The following PARD3B variants were observed in gnomAD, a reference collection of about 807,000 sequenced individuals.
PARD3B encodes the protein par-3 family cell polarity regulator beta.
A neutral mutation model predicts 130.2 loss-of-function variants in PARD3B; 103 were observed. The ratio of observed to expected loss-of-function variants is 0.79; its 90% CI spans 0.67 to 0.93. The LOEUF (loss-of-function observed/expected upper bound fraction) is 0.93. Among genes scored for constraint, PARD3B ranks in the 40% least tolerant of loss-of-function variants. The probability of loss-of-function intolerance (pLI) is 0.00; values close to 1 mark genes in which losing one functional copy is unlikely to be tolerated. For synonymous variants in PARD3B, 583 were observed against 553.2 expected (o/e 1.05, Z -0.76); for missense variants, 1,609 against 1,499.2 (o/e 1.07, Z -1.21).
chr2:204,883,456 T>TATAAAATATATATATATATATATATATA, intron 2 of PARD3B, among the ~76,000 whole-genome samples: 1 of 99,510 alleles, frequency 1.0e-5, no homozygotes, highest in East Asian at 3.4e-4. Context: ...TATATATATA[T>TATAAAATATATATATATATATATATATA]TTTTTTTTTT....
Position 205,300,438 on chromosome 2 carries a change from G to C in PARD3B, c.2186-92G>C. The C allele has an allele frequency of 3.3e-6, 4 of 1,216,844 alleles. No individual in the cohort carries two copies. In the South Asian group the frequency reaches 4.1e-5, roughly 13 times the overall value. The allele number at this position is 1,216,844 out of a possible 1,614,324, so 75.4% of individuals were successfully genotyped here. ...CCCACCCACTTAACACCCCTTTTTT[G>C]GGATGTCCAGACAGAAATATTCTTA... is the stretch of plus-strand genomic sequence containing the variant. On this transcript the variant is annotated intron_variant, in intron 16 of 22. Transcript: ENST00000406610. The surrounding 1 kb of genome is among the most constrained non-coding windows in gnomAD (Gnocchi z 4.1).
Position 204,906,223 on chromosome 2 carries a change from T to C in PARD3B, c.223-58929T>C, listed in dbSNP as rs1055988838. ...GTCATGGTAACTATTTGTCAAAAAG[T>C]AAAATGAACCCAGCTCTCTCTGTAT... is the stretch of plus-strand genomic sequence containing the variant. On this transcript the variant is annotated intron_variant, in intron 2 of 22. Coordinates refer to ENST00000406610, the MANE Select transcript of PARD3B (RefSeq NM_001302769.2). The surrounding 1 kb of genome is among the most constrained non-coding windows in gnomAD (Gnocchi z 4.3). Among the ~76,000 whole-genome samples, 3 of 152,300 alleles carry C rather than the reference T, an allele frequency of 2.0e-5. No individual in the cohort carries two copies. Among genetic ancestry groups the C allele is most frequent in the South Asian group, 2.1e-4 (1 of 4,828 alleles).
At chr2:204,746,105 A>T (rs930476454) in intron 2 of PARD3B, among the ~76,000 whole-genome samples, 4 of 144,478 alleles carry the variant, frequency 2.8e-5, no homozygotes, top group Non-Finnish European at 4.5e-5. Flanking sequence ...AGCATTAGGT[A>T]TATCTCCTAA....
chr2:204,995,314 G>T (rs1434289052), intron 3 of PARD3B, among the ~76,000 whole-genome samples: 1 of 150,062 alleles, frequency 6.7e-6, no homozygotes, highest in South Asian at 2.1e-4. Context: ...TGTCTATAAA[G>T]TATTTTATTT....
intron 22 of PARD3B, among the ~76,000 whole-genome samples, chr2:205,573,727 C>T (rs1209711640): frequency 6.6e-6 from 1 of 151,726 alleles, no homozygotes; most frequent in Non-Finnish European, 1.5e-5. Flanking sequence ...ATAGTCATCT[C>T]TTTAAAAAGC....
At chr2:205,298,211 A>G (rs1221250678) in intron 16 of PARD3B, among the ~76,000 whole-genome samples, 1 of 152,158 alleles carries the variant, frequency 6.6e-6, no homozygotes, top group Non-Finnish European at 1.5e-5. Context: ...GATAGTTTTC[A>G]TCTTCATGTT....
At chr2:205,339,255 T>C (rs1302862515) in intron 18 of PARD3B, among the ~76,000 whole-genome samples, 1 of 152,192 alleles carries the variant, frequency 6.6e-6, no homozygotes, top group Non-Finnish European at 1.5e-5. Context: ...AGTAAAGTTA[T>C]CAACACAAAA....
intron 18 of PARD3B, among the ~76,000 whole-genome samples, chr2:205,383,211 T>C (rs1200521548): frequency 1.3e-5 from 2 of 151,866 alleles, no homozygotes; most frequent in Non-Finnish European, 2.9e-5. Context: ...TAAAAAACCA[T>C]GAGTTTATAC....
rs4045004 is a variant in PARD3B at position 205,126,752 on chromosome 2, C to CAAAAAA, written c.1434+1045_1434+1050dup. 4.8e-4 allele frequency among the ~76,000 whole-genome samples: 36 copies of CAAAAAA among 74,452 alleles called. 1 individual carries two copies. Among genetic ancestry groups the CAAAAAA allele is most frequent in the African/African-American group, 1.3e-3 (20 of 15,454 alleles). The allele number at this position is 74,452 out of a possible 152,430, so 48.8% of individuals were successfully genotyped here. On this transcript the variant is annotated intron_variant, in intron 10 of 22. Transcript: ENST00000406610. Reference sequence around the variant, plus strand: ...TGGGCGACAGAGCGAGACTCCGTCTCAAAAAAAAAAAAAAAAAAAAAAAAA... The same window carrying CAAAAAA: ...TGGGCGACAGAGCGAGACTCCGTCTCAAAAAAAAAAAAAAAAAAAAAAAAAAAAAAA...
rs752849966 is a variant in PARD3B, at chr2:204,717,346, C to G, written c.222+31064C>G. Among the ~76,000 whole-genome samples the G allele has an allele frequency of 2.0e-5, 3 of 152,112 alleles. 1 individual carries two copies. Among genetic ancestry groups the G allele is most frequent in the Non-Finnish European group, 4.4e-5 (3 of 68,022 alleles). On this transcript the variant is annotated intron_variant, in intron 2 of 22. Transcript: ENST00000406610. ...AATTAATTAAAAATTGTTAATGACC[C>G]TCATAGGCTTTTTCTCCTAATTGAA...
chr2:205,472,685 A>T (rs1207521051), intron 20 of PARD3B, among the ~76,000 whole-genome samples: 1 of 152,190 alleles, frequency 6.6e-6, no homozygotes, highest in East Asian at 1.9e-4. Context: ...GTAAAACAAG[A>T]TGCCCAGTAA....
chr2:205,126,059 G>T (rs2031356600), intron 10 of PARD3B, among the ~76,000 whole-genome samples: 1 of 152,162 alleles, frequency 6.6e-6, no homozygotes. Context: ...AACACAGTCA[G>T]CAAAATAATT....
At chr2:204,986,896 C>G (rs1241850648) in intron 3 of PARD3B, among the ~76,000 whole-genome samples, 1 of 152,200 alleles carries the variant, frequency 6.6e-6, no homozygotes, top group Non-Finnish European at 1.5e-5. Flanking sequence ...TCCCTCAGAG[C>G]AGTTCCTCAA....
intron 20 of PARD3B, among the ~76,000 whole-genome samples, chr2:205,472,766 T>C (rs1412849350): frequency 6.6e-6 from 1 of 152,086 alleles, no homozygotes; most frequent in Non-Finnish European, 1.5e-5. Flanking sequence ...TGAGTGTATA[T>C]AACAGAGGGA....
At position 205,124,383 on chromosome 2, in the gene PARD3B, G is replaced by C; in HGVS notation, c.1222G>C (p.Gly408Arg). ...VTRDSSIHGP[G>R]PIFVKNILPK... ...CAGAGACTCTTCCATACATGGTCCCGGTCCCATTTTTGTAAAAAACATTTT... is the reference window on the plus strand; with the variant it reads ...CAGAGACTCTTCCATACATGGTCCCCGTCCCATTTTTGTAAAAAACATTTT... The change falls in exon 9 of 23, where the codon GGT (glycine) becomes CGT (arginine). Residue 408 changes from glycine to arginine, a missense_variant. Coordinates refer to ENST00000406610, the MANE Select transcript of PARD3B (RefSeq NM_001302769.2). 1.2e-6 allele frequency: 2 copies of C among 1,600,148 alleles called. No homozygotes were observed. The highest frequency in any genetic ancestry group is 1.7e-6 in the Non-Finnish European group (2 of 1,172,460).
rs528186765 is a variant in PARD3B, at chr2:204,556,224, T to C, written c.120+10105T>C. Reference sequence around the variant, plus strand: ...TAGCTGAAAATACCACTCAACAACATGATTGTGTAGGTCAGGAATTTGGAC... The same window carrying C: ...TAGCTGAAAATACCACTCAACAACACGATTGTGTAGGTCAGGAATTTGGAC... On this transcript the variant is annotated intron_variant, in intron 1 of 22. Transcript: ENST00000406610. Among the ~76,000 whole-genome samples the C allele has an allele frequency of 3.3e-5, 5 of 152,298 alleles. No individual in the cohort carries two copies. The South Asian group carries it at 1.0e-3, about 32-fold the overall frequency.
At chr2:204,831,416 T>C (rs769556568) in intron 2 of PARD3B, among the ~76,000 whole-genome samples, 1 of 152,218 alleles carries the variant, frequency 6.6e-6, no homozygotes, top group South Asian at 2.1e-4. Context: ...ATGTCTTAAT[T>C]AGAAGCCACC....
chr2:204,642,458 G>T (rs764960623), intron 1 of PARD3B, among the ~76,000 whole-genome samples: 1 of 152,174 alleles, frequency 6.6e-6, no homozygotes, highest in African/African-American at 2.4e-5. Flanking sequence ...TTGCAGGAAA[G>T]GTTGGTAATT....
At chr2:204,904,298 C>G (rs2046969287) in intron 2 of PARD3B, among the ~76,000 whole-genome samples, 1 of 152,164 alleles carries the variant, frequency 6.6e-6, no homozygotes, top group Non-Finnish European at 1.5e-5. Flanking sequence ...AATTCAGATA[C>G]TGATCCTTAA....
Sources: gnomAD v4.1 joint callset for allele counts (sites outside exome capture counted in the v4.1 genomes callset) on GRCh38, gnomAD v4.1.1 for gene constraint, Gnocchi (gnomAD v3.1) non-coding constraint, MANE v1.5 for transcripts, NCBI Gene and HGNC (gene_info 2026-07-23, HGNC 2026-07-21) for gene names.